The following IRS1 variants were observed in gnomAD, a reference collection of about 807,000 sequenced individuals.
IRS1 encodes insulin receptor substrate 1.
In IRS1, 34 loss-of-function variants were observed where a neutral mutation model predicts 65.6. The ratio of observed to expected loss-of-function variants is 0.52; its 90% CI spans 0.39 to 0.69. IRS1 has a LOEUF of 0.69. Ranked by LOEUF, IRS1 falls within the 30% of genes least tolerant of loss-of-function variation. The pLI, the probability that IRS1 is intolerant of heterozygous loss-of-function variation, is 0.00. For synonymous variants in IRS1, 699 were observed against 683.5 expected (o/e 1.02, Z -0.35); for missense variants, 1,641 against 1,720.2 (o/e 0.95, Z 0.81).
chr2:226,796,570 A>G lies in IRS1; in HGVS notation c.2169T>C (p.Gly723=). ...HPKPPVESSG[G]KLLPCTGDYM... is the part of the protein sequence containing the mutation. ...AGTCACCTGTGCAAGGTAAGAGCTT[A>G]CCACCGCTGCTCTCCACTGGGGGTT... is the stretch of plus-strand genomic sequence containing the variant. Residue 723 remains glycine, a synonymous_variant, in exon 1 of 2, where the codon GGT becomes GGC. Coordinates refer to ENST00000305123, the MANE Select transcript of IRS1 (RefSeq NM_005544.3). 6.2e-7 allele frequency: 1 copy of G among 1,613,862 alleles called. No individual in the cohort carries two copies. The highest frequency in any genetic ancestry group is 2.2e-5 in the East Asian group (1 of 44,862).
intron 1 of IRS1, among the ~76,000 whole-genome samples, chr2:226,755,489 TTAAG>T (rs1218943100): frequency 3.3e-5 from 5 of 152,220 alleles, no homozygotes; most frequent in Non-Finnish European, 5.9e-5. Context: ...AGAGCTATAA[TTAAG>T]TGTGTTAATT....
In IRS1 at chr2:226,798,702, C is replaced by T. The variant is rs758617015; in HGVS notation, c.37G>A (p.Val13Met). The T allele has an allele frequency of 1.9e-6, 3 of 1,612,834 alleles. No individual in the cohort carries two copies. Among genetic ancestry groups the T allele is most frequent in the Non-Finnish European group, 1.7e-6 (2 of 1,179,866 alleles). ...SPPESDGFSDVRKVGYLRKPK... is the reference protein window; with the variant it reads ...SPPESDGFSDMRKVGYLRKPK... ...TTGCGCAGGTAGCCCACCTTGCGCA[C>T]GTCCGAGAAGCCATCGCTCTCCGGA... Residue 13 changes from valine to methionine, a missense_variant, in exon 1 of 2, where the codon GTG becomes ATG. Physicochemically the swap from Val to Met is conservative, Grantham distance 21. Coordinates refer to ENST00000305123, the MANE Select transcript of IRS1 (RefSeq NM_005544.3). This position sits in a 1 kb window ranked among gnomAD's most constrained non-coding sequence, Gnocchi z 9.4.
intron 1 of IRS1, among the ~76,000 whole-genome samples, chr2:226,766,134 T>A (rs1939029334): frequency 2.8e-4 from 1 of 3,626 alleles, no homozygotes; most frequent in East Asian, 4.1e-3. Flanking sequence ...TATATATATA[T>A]ATATATATAT....
chr2:226,772,001 A>C lies in IRS1; in HGVS notation c.*21+22988T>G, dbSNP rs535576219. On this transcript the variant is annotated intron_variant, in intron 1 of 1. Transcript: ENST00000305123. ...TAATAAATGCAACCCAGTTTCCTAG[A>C]ATTTAACAGTACACCATACTCATAC... is the stretch of plus-strand genomic sequence containing the variant. Among the ~76,000 whole-genome samples, 3 of 152,320 alleles carry C rather than the reference A, an allele frequency of 2.0e-5. No homozygotes were observed. In the East Asian group the frequency reaches 5.8e-4, roughly 29 times the overall value.
chr2:226,748,812 A>C (rs1472305458), intron 1 of IRS1, among the ~76,000 whole-genome samples: 3 of 152,336 alleles, frequency 2.0e-5, no homozygotes, highest in East Asian at 3.9e-4. Flanking sequence ...CTCGGGGCAC[A>C]TATATCATCA....
In IRS1 at chr2:226,733,440, C is replaced by G. The variant is rs1938267353; in HGVS notation, c.*2832G>C. On this transcript the variant is annotated 3_prime_UTR_variant, in exon 2 of 2. Transcript: ENST00000305123. The stretch of plus-strand genomic sequence containing the variant: ...GTTGATCATTAATGGATTCTCTTCA[C>G]TTCTAGCTGGTTCTAGGGCCATTCT... The G allele has an allele frequency of 6.6e-6, 1 of 152,230 alleles. No homozygotes were observed. The highest frequency in any genetic ancestry group is 6.5e-5 in the Admixed American group (1 of 15,286). 9.4% of individuals were successfully genotyped at this position (152,230 alleles called of 1,614,324 possible).
chr2:226,752,118 T>G (rs1199872497), intron 1 of IRS1, among the ~76,000 whole-genome samples: 1 of 152,154 alleles, frequency 6.6e-6, no homozygotes, highest in Non-Finnish European at 1.5e-5. Flanking sequence ...CTCAGAATCT[T>G]AAAGAACAAG....
intron 1 of IRS1, among the ~76,000 whole-genome samples, chr2:226,749,490 T>C (rs1024149064): frequency 2.6e-5 from 4 of 152,110 alleles, no homozygotes; most frequent in Non-Finnish European, 5.9e-5. Context: ...GGTGGGAGGA[T>C]TGCTAAGTCC....
chr2:226,735,180 G>C lies in IRS1; in HGVS notation c.*1092C>G, dbSNP rs1275071758. 1 of 152,082 alleles carries C rather than the reference G, an allele frequency of 6.6e-6. No individual in the cohort carries two copies. The highest frequency in any genetic ancestry group is 1.9e-4 in the East Asian group (1 of 5,202). The allele number at this position is 152,082 out of a possible 1,614,324, so 9.4% of individuals were successfully genotyped here. ...TGCACAGAAAAAAATGGTGGGAATA[G>C]AGCAGGAAACTTACAGAAGTGGTGG... On this transcript the variant is annotated 3_prime_UTR_variant, in exon 2 of 2. Transcript: ENST00000305123.
At chr2:226,775,035 T>C (rs1939241456) in intron 1 of IRS1, among the ~76,000 whole-genome samples, 1 of 152,134 alleles carries the variant, frequency 6.6e-6, no homozygotes, top group African/African-American at 2.4e-5. Context: ...AATTAAGCAT[T>C]TGTCAAAACC....
intron 1 of IRS1, among the ~76,000 whole-genome samples, chr2:226,751,976 C>T (rs927854143): frequency 9.2e-5 from 14 of 151,904 alleles, no homozygotes; most frequent in African/African-American, 3.4e-4. Context: ...AGATCTCATC[C>T]CAAATAAATG....
intron 1 of IRS1, among the ~76,000 whole-genome samples, chr2:226,770,036 C>T (rs997904516): frequency 6.6e-6 from 1 of 152,068 alleles, no homozygotes; most frequent in Non-Finnish European, 1.5e-5. Flanking sequence ...GTAATAAAGT[C>T]CTAGCAGTCA....
intron 1 of IRS1, among the ~76,000 whole-genome samples, chr2:226,767,109 G>GA (rs145108960): frequency 0.011 from 1,714 of 151,960 alleles, 24 homozygotes; most frequent in African/African-American, 0.039. Flanking sequence ...CATGTCACCA[G>GA]AAAAAAGGCC....
At position 226,734,852 on chromosome 2, in the gene IRS1, G is replaced by A. The variant is rs1304024166; in HGVS notation, c.*1420C>T. 1 of 152,158 alleles carries A rather than the reference G, an allele frequency of 6.6e-6. No individual in the cohort carries two copies. Among genetic ancestry groups the A allele is most frequent in the African/African-American group, 2.4e-5 (1 of 41,432 alleles). 9.4% of individuals were successfully genotyped at this position (152,158 alleles called of 1,614,324 possible). On this transcript the variant is annotated 3_prime_UTR_variant, in exon 2 of 2. Coordinates refer to ENST00000305123, the MANE Select transcript of IRS1 (RefSeq NM_005544.3). ...AAAAGAATTAACATTTTCACTGCTGGCTAGGTGTTTCAGTAGCAGGTCATT... is the reference window on the plus strand; with the variant it reads ...AAAAGAATTAACATTTTCACTGCTGACTAGGTGTTTCAGTAGCAGGTCATT...
chr2:226,767,379 T>TA (rs1414540142), intron 1 of IRS1, among the ~76,000 whole-genome samples: 1 of 152,036 alleles, frequency 6.6e-6, no homozygotes, highest in Non-Finnish European at 1.5e-5. Flanking sequence ...GTTTCCAAAA[T>TA]AAAAAAAGGC....
chr2:226,758,949 C>T (rs968237748), intron 1 of IRS1, among the ~76,000 whole-genome samples: 5 of 152,156 alleles, frequency 3.3e-5, no homozygotes, highest in African/African-American at 1.2e-4. Context: ...ATGCTCATTG[C>T]ACATTACAAA....
At chr2:226,738,113 C>T (rs1005658242) in intron 1 of IRS1, among the ~76,000 whole-genome samples, 1 of 152,062 alleles carries the variant, frequency 6.6e-6, no homozygotes, top group Non-Finnish European at 1.5e-5. Context: ...ATTATAGAGA[C>T]AACAAGGACA....
In IRS1 at chr2:226,754,461, G is replaced by A. The variant is rs191842024; in HGVS notation, c.*22-18211C>T. Among the ~76,000 whole-genome samples the A allele has an allele frequency of 4.3e-4, 66 of 152,218 alleles. 1 individual carries two copies. The highest frequency in any genetic ancestry group is 2.9e-3 in the Admixed American group (44 of 15,292). On this transcript the variant is annotated intron_variant, in intron 1 of 1. Transcript: ENST00000305123. ...ATATGCATTATTTCATTTCATTCTC[G>A]CCACGATCCTGAGACTGCATTATCA...
intron 1 of IRS1, among the ~76,000 whole-genome samples, chr2:226,758,395 T>C (rs1163090838): frequency 6.6e-6 from 1 of 152,152 alleles, no homozygotes; most frequent in Non-Finnish European, 1.5e-5. Context: ...AAAAACACCA[T>C]AAGTGAAAAT....
Sources: gnomAD v4.1 joint callset for allele counts (sites outside exome capture counted in the v4.1 genomes callset) on GRCh38, gnomAD v4.1.1 for gene constraint, Gnocchi (gnomAD v3.1) non-coding constraint, MANE v1.5 for transcripts, NCBI Gene and HGNC (gene_info 2026-07-23, HGNC 2026-07-21) for gene names.